Variants in ERO1B observed in about 807,000 individuals in gnomAD.
ERO1B encodes the protein ERO1-like protein beta.
In ERO1B, 49 loss-of-function variants were observed where a neutral mutation model predicts 75.3. That is an observed-to-expected ratio of 0.65 (90% CI 0.52 to 0.83). The LOEUF (loss-of-function observed/expected upper bound fraction) is 0.83. Ranked by LOEUF, ERO1B falls within the 40% of genes least tolerant of loss-of-function variation. The probability of loss-of-function intolerance (pLI) is 0.00; values close to 1 mark genes in which losing one functional copy is unlikely to be tolerated. For missense variants in ERO1B, 512 were observed against 560.1 expected (o/e 0.91, Z 0.87); for synonymous variants, 191 against 192.9 (o/e 0.99, Z 0.08).
chr1:236,259,130 C>T (rs748958790), intron 2 of ERO1B, among the ~76,000 whole-genome samples: 4 of 152,088 alleles, frequency 2.6e-5, no homozygotes, highest in Non-Finnish European at 2.9e-5. Context: ...AAAAGTATAG[C>T]ATTTATGCAA....
At chr1:236,221,871 G>C in intron 14 of ERO1B, 53 bp downstream of exon 14, 1 of 1,357,764 alleles carries the variant, frequency 7.4e-7, no homozygotes, top group Non-Finnish European at 1.0e-6. Context: ...CTTGGACTCA[G>C]TGGAAAAAAT....
intron 9 of ERO1B, among the ~76,000 whole-genome samples, chr1:236,231,018 C>T (rs965581424): frequency 9.2e-5 from 14 of 152,048 alleles, no homozygotes; most frequent in African/African-American, 3.4e-4. Context: ...CTCAAATTTG[C>T]TTTTCATAAC....
chr1:236,241,758 A>G (rs1484305601), intron 6 of ERO1B, among the ~76,000 whole-genome samples: 1 of 150,544 alleles, frequency 6.6e-6, no homozygotes, highest in Non-Finnish European at 1.5e-5. Flanking sequence ...ACAATTTAAG[A>G]AACTAATATT....
At position 236,269,882 on chromosome 1, in the gene ERO1B, T is replaced by C; in HGVS notation, c.215A>G (p.Tyr72Cys). Residue 72 changes from tyrosine (Y) to cysteine (C), a missense_variant, in exon 2 of 16, where the codon TAT becomes TGT. Transcript: ENST00000354619. ...AAAAAATTACAACCTTACCTTGTAA[T>C]AACGAAAATAGTCTCTCTCTTGCAA... Reference protein sequence around the residue: ...KKLQERDYFRYYKVNLKRPCP... With the variant: ...KKLQERDYFRCYKVNLKRPCP... 1 of 1,587,034 alleles carries C rather than the reference T, an allele frequency of 6.3e-7. No individual in the cohort carries two copies. The highest frequency in any genetic ancestry group is 8.7e-7 in the Non-Finnish European group (1 of 1,156,050).
intron 2 of ERO1B, among the ~76,000 whole-genome samples, chr1:236,264,533 A>C (rs1572063822): frequency 6.6e-6 from 1 of 152,168 alleles, no homozygotes; most frequent in Admixed American, 6.5e-5. Context: ...GTGGAGTAAT[A>C]GTCACTGGAG....
At chr1:236,252,117 A>G in intron 3 of ERO1B, 26 bp from the exon 4 acceptor site, 1 of 1,479,952 alleles carries the variant, frequency 6.8e-7, no homozygotes, top group East Asian at 2.3e-5. Context: ...AAAGCAAAAA[A>G]ATTTTTAAGT....
intron 1 of ERO1B, among the ~76,000 whole-genome samples, chr1:236,271,133 G>A (rs1646935683): frequency 6.6e-6 from 1 of 151,984 alleles, no homozygotes; most frequent in African/African-American, 2.4e-5. Flanking sequence ...GTTACCATTG[G>A]GATAAATAGA....
intron 2 of ERO1B, chr1:236,267,828 C>T (rs1665483755): frequency 6.6e-6 from 1 of 152,168 alleles, no homozygotes; most frequent in Non-Finnish European, 1.5e-5. Context: ...TCTGTTAATA[C>T]CTGATATGTC....
At chr1:236,278,346 T>A (rs1665752584) in intron 1 of ERO1B, among the ~76,000 whole-genome samples, 8 of 151,980 alleles carry the variant, frequency 5.3e-5, no homozygotes, top group Admixed American at 4.6e-4. Flanking sequence ...TCGTTTACCC[T>A]TATACTGAGG....
intron 7 of ERO1B, among the ~76,000 whole-genome samples, 167 bp downstream of exon 7, chr1:236,236,111 G>C (rs1664536549): frequency 6.6e-6 from 1 of 152,060 alleles, no homozygotes; most frequent in Non-Finnish European, 1.5e-5. Context: ...ATTTTTAGTT[G>C]ACACGGGGTT....
At position 236,217,771 on chromosome 1, in the gene ERO1B, AAG is replaced by A. The variant is rs1468086845; in HGVS notation, c.*743_*744del. On this transcript the variant is annotated 3_prime_UTR_variant, in exon 16 of 16. Coordinates refer to ENST00000354619, the MANE Select transcript of ERO1B (RefSeq NM_019891.4). ...CAAAATCAAAAGGAGTTCTAAGTAA[AAG>A]AACACTCTTGGGCCAGCCCATTACA... The A allele has an allele frequency of 6.6e-6, 1 of 152,228 alleles. No homozygotes were observed. Among genetic ancestry groups the A allele is most frequent in the African/African-American group, 2.4e-5 (1 of 41,450 alleles). 9.4% of individuals were successfully genotyped at this position (152,228 alleles called of 1,614,324 possible).
chr1:236,219,164 C>CT (rs770224886), intron 15 of ERO1B, among the ~76,000 whole-genome samples: 10 of 152,172 alleles, frequency 6.6e-5, no homozygotes, highest in Non-Finnish European at 8.8e-5. Context: ...GAAGAAAAAT[C>CT]TTTAACTATT....
intron 2 of ERO1B, among the ~76,000 whole-genome samples, chr1:236,257,278 T>C (rs984801297): frequency 6.6e-6 from 1 of 152,172 alleles, no homozygotes; most frequent in Non-Finnish European, 1.5e-5. Flanking sequence ...AGGTAGTTCT[T>C]TTATATAATA....
intron 1 of ERO1B, chr1:236,281,447 C>T (rs545630028): frequency 4.0e-4 from 152 of 380,822 alleles, no homozygotes; most frequent in African/African-American, 2.9e-3. Context: ...TCACCATCTT[C>T]CTCTTTTGAC....
At chr1:236,227,027 TAGAC>T (rs1664296770) in intron 10 of ERO1B, among the ~76,000 whole-genome samples, 1 of 152,226 alleles carries the variant, frequency 6.6e-6, no homozygotes, top group Admixed American at 6.5e-5. Context: ...GTTCCCATGT[TAGAC>T]AGCAACAGCA....
rs1572025524 is a variant in ERO1B, at chr1:236,218,650, A to G, written c.1344-74T>C. The stretch of plus-strand genomic sequence containing the variant: ...TGTTTCAAATTATTGATATTGTTAC[A>G]TAAGCTATAATTTGAAAGCAAAACC... On this transcript the variant is annotated intron_variant, in intron 15 of 15. Coordinates refer to ENST00000354619, the MANE Select transcript of ERO1B (RefSeq NM_019891.4). 2.6e-6 allele frequency: 3 copies of G among 1,151,914 alleles called. No homozygotes were observed. In the East Asian group the frequency reaches 1.4e-4, roughly 55 times the overall value. 71.4% of individuals were successfully genotyped at this position (1,151,914 alleles called of 1,614,324 possible). A position where few individuals can be genotyped will look rare whatever the true frequency, so the allele number is the denominator to read the frequency against.
chr1:236,272,215 C>G (rs776149999), intron 1 of ERO1B, among the ~76,000 whole-genome samples: 9 of 152,186 alleles, frequency 5.9e-5, no homozygotes, highest in Admixed American at 2.0e-4. Flanking sequence ...CATCTATCTA[C>G]CCAAAGGAAA....
At chr1:236,258,410 G>A (rs1195211485) in intron 2 of ERO1B, among the ~76,000 whole-genome samples, 1 of 151,972 alleles carries the variant, frequency 6.6e-6, no homozygotes, top group Non-Finnish European at 1.5e-5. Flanking sequence ...AGAAAAGGAA[G>A]AAAAAGAATT....
At chr1:236,238,540 TAA>T (rs67247823) in intron 6 of ERO1B, among the ~76,000 whole-genome samples, 75 of 114,272 alleles carry the variant, frequency 6.6e-4, no homozygotes, top group African/African-American at 1.1e-3. Flanking sequence ...TTTTTTTTTT[TAA>T]AAAAAAAAAG....
Sources: allele counts gnomAD v4.1 joint callset (sites outside exome capture counted in the v4.1 genomes callset), GRCh38; gene constraint gnomAD v4.1.1; transcripts MANE v1.5; gene names NCBI Gene and HGNC (gene_info 2026-07-23, HGNC 2026-07-21).